Variants in RBFOX1 observed in about 807,000 individuals in gnomAD.
RBFOX1 encodes RNA binding fox-1 homolog 1, also known as RNA binding protein fox-1 homolog 1.
RBFOX1 carries 8 observed loss-of-function variants against 57.7 expected under a neutral mutation model. The ratio of observed to expected loss-of-function variants is 0.14; its 90% CI spans 0.08 to 0.25. The LOEUF is 0.25. Among genes scored for constraint, RBFOX1 ranks in the 10% least tolerant of loss-of-function variants. RBFOX1 has a pLI of 1.00. For missense variants in RBFOX1, 611 were observed against 548.5 expected (o/e 1.11, Z -1.14); for synonymous variants, 326 against 222.4 (o/e 1.47, Z -4.15).
chr16:6,538,465 C>G (rs936638276), intron 2 of RBFOX1, among the ~76,000 whole-genome samples: 2 of 152,112 alleles, frequency 1.3e-5, no homozygotes, highest in African/African-American at 2.4e-5. Context: ...GCACTCTAGC[C>G]TGGGCAACAG....
intron 1 of RBFOX1, among the ~76,000 whole-genome samples, chr16:5,459,566 T>A (rs542768473): frequency 6.6e-6 from 1 of 152,290 alleles, no homozygotes; most frequent in South Asian, 2.1e-4. Context: ...ACTTGTCTCA[T>A]GTCTGTGCAA....
chr16:5,901,040 T>A (rs966421267), intron 4 of RBFOX1, among the ~76,000 whole-genome samples: 2 of 152,172 alleles, frequency 1.3e-5, no homozygotes, highest in Non-Finnish European at 2.9e-5. Context: ...GATACCTGCC[T>A]CCTCTCCATT....
chr16:7,519,431 A>G (rs904893754), intron 5 of RBFOX1, among the ~76,000 whole-genome samples: 1 of 152,220 alleles, frequency 6.6e-6, no homozygotes, highest in African/African-American at 2.4e-5. Flanking sequence ...ATAAAGAGTA[A>G]ATTTTATTGC....
chr16:6,690,676 A>C (rs2060076472), intron 3 of RBFOX1, among the ~76,000 whole-genome samples: 1 of 151,932 alleles, frequency 6.6e-6, no homozygotes, highest in Admixed American at 6.6e-5. Context: ...CGATTATAGT[A>C]CAGTAGGAAG....
intron 2 of RBFOX1, among the ~76,000 whole-genome samples, chr16:5,477,009 G>GTTTA (rs1206681329): frequency 2.6e-5 from 4 of 152,090 alleles, no homozygotes; most frequent in Admixed American, 6.5e-5. Flanking sequence ...CTATTTTGGT[G>GTTTA]TTTATTTATT....
chr16:5,988,481 T>C (rs189397366), intron 4 of RBFOX1, among the ~76,000 whole-genome samples: 23 of 152,336 alleles, frequency 1.5e-4, no homozygotes, highest in Non-Finnish European at 2.8e-4. Flanking sequence ...GTCTTAGGTC[T>C]GGTTACCACT....
intron 1 of RBFOX1, among the ~76,000 whole-genome samples, chr16:5,463,786 T>C (rs1382042258): frequency 7.0e-6 from 1 of 142,792 alleles, no homozygotes; most frequent in African/African-American, 2.7e-5. Context: ...GGTGACAGAG[T>C]GAGACTGTCT....
intron 3 of RBFOX1, among the ~76,000 whole-genome samples, chr16:6,817,649 G>T (rs945145122): frequency 6.6e-6 from 1 of 151,938 alleles, no homozygotes; most frequent in Admixed American, 6.6e-5. Flanking sequence ...GTTGCAGTGA[G>T]CTGAGATTGC....
intron 3 of RBFOX1, among the ~76,000 whole-genome samples, chr16:5,773,644 G>A (rs79794565): frequency 6.6e-6 from 1 of 152,294 alleles, no homozygotes; most frequent in Admixed American, 6.5e-5. Context: ...GCAAGAACGT[G>A]CATGGGATTA....
At chr16:7,055,373 TA>T (rs2051796664) in intron 4 of RBFOX1, among the ~76,000 whole-genome samples, 1 of 152,114 alleles carries the variant, frequency 6.6e-6, no homozygotes, top group South Asian at 2.1e-4. Flanking sequence ...CAAAAATAAA[TA>T]ACTCTCCACC....
At chr16:5,464,456 G>T (rs1480685188) in intron 1 of RBFOX1, among the ~76,000 whole-genome samples, 1 of 152,250 alleles carries the variant, frequency 6.6e-6, no homozygotes, top group Non-Finnish European at 1.5e-5. Context: ...GAGAGTCACT[G>T]GAGAGCATTC....
intron 3 of RBFOX1, among the ~76,000 whole-genome samples, chr16:5,755,409 G>C (rs1283539953): frequency 6.6e-6 from 1 of 152,138 alleles, no homozygotes; most frequent in South Asian, 2.1e-4. Flanking sequence ...TGGGAGACCA[G>C]GAAGGATCCC....
At chr16:6,706,042 T>G (rs1244431254) in intron 3 of RBFOX1, among the ~76,000 whole-genome samples, 1 of 152,040 alleles carries the variant, frequency 6.6e-6, no homozygotes, top group Non-Finnish European at 1.5e-5. Flanking sequence ...TATAGATAGA[T>G]ATAGGTTAGA....
intron 3 of RBFOX1, among the ~76,000 whole-genome samples, chr16:5,650,302 C>T (rs1296024224): frequency 3.3e-5 from 5 of 151,534 alleles, no homozygotes; most frequent in African/African-American, 7.3e-5. Flanking sequence ...CCACACTCCT[C>T]GTCCTCTTCA....
chr16:6,949,068 A>T lies in RBFOX1; in HGVS notation c.-15-102989A>T, dbSNP rs894104429. ...ATTCGTAAAAGGGAGAGTAAGGACAAAGCTATTGTCAAGGTTTCTTTATCC... is the reference window on the plus strand; with the variant it reads ...ATTCGTAAAAGGGAGAGTAAGGACATAGCTATTGTCAAGGTTTCTTTATCC... On this transcript the variant is annotated intron_variant, in intron 3 of 15. Coordinates refer to ENST00000550418, the MANE Select transcript of RBFOX1 (RefSeq NM_018723.4). Among the ~76,000 whole-genome samples the T allele has an allele frequency of 3.9e-5, 6 of 152,332 alleles. No individual in the cohort carries two copies. In the South Asian group the frequency reaches 1.2e-3, roughly 32 times the overall value.
Position 6,847,543 on chromosome 16 carries a change from C to T in RBFOX1, c.-16+192893C>T, listed in dbSNP as rs116056734. ...CATGATACGCAACTGATGGCACAGT[C>T]AAGGTGTAGGGAAGTGTGGTCCATG... On this transcript the variant is annotated intron_variant, in intron 3 of 15. Coordinates refer to ENST00000550418, the MANE Select transcript of RBFOX1 (RefSeq NM_018723.4). Among the ~76,000 whole-genome samples, 152 of 152,188 alleles carry T rather than the reference C, an allele frequency of 1.0e-3. 1 individual carries two copies. The highest frequency in any genetic ancestry group is 3.6e-3 in the African/African-American group (150 of 41,532).
At chr16:6,546,946 G>T (rs953621738) in intron 2 of RBFOX1, among the ~76,000 whole-genome samples, 2 of 152,168 alleles carry the variant, frequency 1.3e-5, no homozygotes, top group Non-Finnish European at 2.9e-5. Flanking sequence ...GTGGTCCGTA[G>T]ATTCAATTAA....
At chr16:7,335,584 G>GAAAAA (rs959362612) in intron 4 of RBFOX1, among the ~76,000 whole-genome samples, 1,001 of 74,086 alleles carry the variant, frequency 0.014, no homozygotes, top group East Asian at 0.025. Flanking sequence ...CTCAGATAAA[G>GAAAAA]AAAAAAAAAA....
chr16:5,255,354 C>CCATCCATCCCTCCATCCATCCA (rs1555468931), intron 1 of RBFOX1, among the ~76,000 whole-genome samples: 69 of 86,248 alleles, frequency 8.0e-4, no homozygotes, highest in Admixed American at 2.2e-3. Flanking sequence ...CCATCCATCC[C>CCATCCATCCCTCCATCCATCCA]TCCATCCATC....
Sources: gnomAD v4.1 joint callset for allele counts (sites outside exome capture counted in the v4.1 genomes callset) on GRCh38, gnomAD v4.1.1 for gene constraint, MANE v1.5 for transcripts, NCBI Gene and HGNC (gene_info 2026-07-23, HGNC 2026-07-21) for gene names.